The following GLMN variants were observed in gnomAD, a reference collection of about 807,000 sequenced individuals.
GLMN encodes the protein glomulin.
Under a neutral mutation model 87.8 loss-of-function variants are expected in GLMN, and 75 were observed. The observed-to-expected ratio is 0.85, with a 90% confidence interval of 0.71 to 1.04. GLMN has a LOEUF of 1.04. Among genes scored for constraint, GLMN ranks in the 50% least tolerant of loss-of-function variants. GLMN has a pLI of 0.00. For missense variants in GLMN, 588 were observed against 658.8 expected, an observed-to-expected ratio of 0.89 and a Z score of 1.18; for synonymous variants, 206 against 221.6, an observed-to-expected ratio of 0.93 and a Z score of 0.63.
chr1:92,282,101 A>T (rs1376569761), intron 7 of GLMN, among the ~76,000 whole-genome samples: 1 of 152,206 alleles, frequency 6.6e-6, no homozygotes, highest in Non-Finnish European at 1.5e-5. Context: ...CAGGACTTGA[A>T]CTCAGCTCTG....
At chr1:92,290,385 T>C (rs1033786977) in intron 4 of GLMN, 79 bp from the exon 5 acceptor site, 13 of 848,844 alleles carry the variant, frequency 1.5e-5, no homozygotes, top group South Asian at 4.1e-5. Flanking sequence ...TAAGAAGGCA[T>C]GTATCGACAA....
intron 8 of GLMN, 148 bp from the exon 9 acceptor site, chr1:92,269,924 T>A: frequency 1.6e-6 from 1 of 632,254 alleles, no homozygotes; most frequent in Non-Finnish European, 2.9e-6. Flanking sequence ...TGACCTTATT[T>A]GGAGATAGGG....
At chr1:92,300,146 G>A (rs771836698), upstream of GLMN, 5 of 1,342,598 alleles carry the variant, frequency 3.7e-6, no homozygotes, top group East Asian at 1.1e-4. Context: ...GCTGTCCGTC[G>A]TTTACGGAAA....
chr1:92,258,280 T>C (rs1389857737), intron 16 of GLMN, among the ~76,000 whole-genome samples: 1 of 152,108 alleles, frequency 6.6e-6, no homozygotes, highest in African/African-American at 2.4e-5. Flanking sequence ...TGTGGAGAAA[T>C]AGGAACGCTT....
chr1:92,269,667 CAAG>C (rs1353410819), intron 9 of GLMN, 53 bp downstream of exon 9: 1 of 1,125,244 alleles, frequency 8.9e-7, no homozygotes, highest in African/African-American at 1.5e-5. Flanking sequence ...CTGATCTTAA[CAAG>C]GACTATTTTA....
intron 8 of GLMN, among the ~76,000 whole-genome samples, chr1:92,270,223 T>C (rs1656100038): frequency 6.6e-6 from 1 of 152,216 alleles, no homozygotes; most frequent in Non-Finnish European, 1.5e-5. Context: ...ATTTCAACCA[T>C]CCAGTTGGTA....
intron 13 of GLMN, among the ~76,000 whole-genome samples, chr1:92,265,316 T>G (rs1291725278): frequency 1.7e-5 from 2 of 119,064 alleles, no homozygotes; most frequent in East Asian, 1.0e-3. Context: ...CTAGAGTAGC[T>G]TAATTGCAAA....
At chr1:92,255,516 C>T (rs1654106494) in intron 16 of GLMN, among the ~76,000 whole-genome samples, 1 of 152,052 alleles carries the variant, frequency 6.6e-6, no homozygotes. Context: ...AAGTAAAACA[C>T]TCCCTCCTCA....
the GLMN span, among the ~76,000 whole-genome samples, chr1:92,312,169 T>C: frequency 1.3e-5 from 2 of 152,156 alleles, no homozygotes; most frequent in African/African-American, 4.8e-5. Flanking sequence ...CCAGCATTGT[T>C]GCGGGGCAAG....
the GLMN span, among the ~76,000 whole-genome samples, chr1:92,335,555 G>T: frequency 1.3e-5 from 2 of 151,786 alleles, no homozygotes; most frequent in South Asian, 2.1e-4. Context: ...CATTCTATTT[G>T]GTTCTCTCTG....
chr1:92,263,781 A>T, intron 14 of GLMN, 49 bp from the exon 15 acceptor site: 1 of 901,452 alleles, frequency 1.1e-6, no homozygotes, highest in Non-Finnish European at 1.9e-6. Flanking sequence ...CATGTAATTC[A>T]TGTGTTTTTC....
At chr1:92,294,011 A>AAT (rs1343812151) in intron 3 of GLMN, among the ~76,000 whole-genome samples, 2 of 152,040 alleles carry the variant, frequency 1.3e-5, no homozygotes, top group African/African-American at 4.8e-5. Context: ...AAAAAAAAAA[A>AAT]AGTTATAAGT....
At chr1:92,337,885 A>G in the GLMN span, among the ~76,000 whole-genome samples, 1 of 152,068 alleles carries the variant, frequency 6.6e-6, no homozygotes, top group Non-Finnish European at 1.5e-5. Context: ...CATTTCTGCA[A>G]AGTTTGAGTT....
the GLMN span, among the ~76,000 whole-genome samples, chr1:92,312,769 A>G: frequency 6.6e-6 from 1 of 152,030 alleles, no homozygotes; most frequent in Non-Finnish European, 1.5e-5. Flanking sequence ...AGCACTTGTT[A>G]ATGTTGATAT....
the GLMN span, among the ~76,000 whole-genome samples, chr1:92,316,061 AG>A: frequency 6.6e-6 from 1 of 152,222 alleles, no homozygotes; most frequent in Non-Finnish European, 1.5e-5. Context: ...GGCTCTGACA[AG>A]CCTTTGAAGG....
upstream of GLMN, among the ~76,000 whole-genome samples, chr1:92,299,908 GT>G (rs1446829570): frequency 5.3e-5 from 8 of 152,158 alleles, no homozygotes; most frequent in Non-Finnish European, 2.9e-5. Context: ...TGAGAAATAA[GT>G]TGTTAGTCGA....
the GLMN span, among the ~76,000 whole-genome samples, chr1:92,353,161 A>G: frequency 2.6e-5 from 4 of 152,202 alleles, no homozygotes; most frequent in South Asian, 4.1e-4. Context: ...ATTCATGTAC[A>G]GATTTTTTTG....
chr1:92,336,361 T>C, the GLMN span: 2 of 1,607,598 alleles, frequency 1.2e-6, no homozygotes, highest in Non-Finnish European at 1.7e-6. Context: ...CCTGGGCTTC[T>C]GGTTCCTCTT....
intron 16 of GLMN, among the ~76,000 whole-genome samples, chr1:92,251,072 C>T (rs374138771): frequency 5.9e-5 from 9 of 152,096 alleles, no homozygotes; most frequent in African/African-American, 2.2e-4. Context: ...GGAATTAAAA[C>T]TCTTTGTGGC....
Sources: gnomAD v4.1 joint callset for allele counts (sites outside exome capture counted in the v4.1 genomes callset) on GRCh38, gnomAD v4.1.1 for gene constraint, MANE v1.5 for transcripts, NCBI Gene and HGNC (gene_info 2026-07-23, HGNC 2026-07-21) for gene names.